SNTG1: variants seen among roughly 807,000 people sequenced by gnomAD.
SNTG1 encodes gamma-1-syntrophin.
A neutral mutation model predicts 74.7 loss-of-function variants in SNTG1; 39 were observed. That is an observed-to-expected ratio of 0.52 (90% CI 0.40 to 0.68). The LOEUF (loss-of-function observed/expected upper bound fraction) is 0.68. Ranked by LOEUF, SNTG1 falls within the 30% of genes least tolerant of loss-of-function variation. SNTG1 has a pLI of 0.00. For synonymous variants in SNTG1, 254 were observed against 217.1 expected (o/e 1.17, Z -1.49); for missense variants, 685 against 609.5 (o/e 1.12, Z -1.30).
intron 2 of SNTG1, among the ~76,000 whole-genome samples, chr8:50,362,002 G>C (rs2091973058): frequency 6.6e-6 from 1 of 152,186 alleles, no homozygotes; most frequent in African/African-American, 2.4e-5. Context: ...GGCAATGGAT[G>C]AGTCAGTGAG....
chr8:50,780,986 T>C (rs1240195420), intron 18 of SNTG1, among the ~76,000 whole-genome samples: 1 of 152,222 alleles, frequency 6.6e-6, no homozygotes, highest in Non-Finnish European at 1.5e-5. Flanking sequence ...AGGAGCAGGT[T>C]GTTCAGTCTC....
chr8:50,216,771 C>A (rs1185373757), intron 2 of SNTG1, among the ~76,000 whole-genome samples: 1 of 151,912 alleles, frequency 6.6e-6, no homozygotes, highest in African/African-American at 2.4e-5. Context: ...AGGAAAGTTG[C>A]TAAAATTTTA....
chr8:50,706,534 G>A (rs1415775960), intron 16 of SNTG1, among the ~76,000 whole-genome samples: 1 of 152,080 alleles, frequency 6.6e-6, no homozygotes, highest in Non-Finnish European at 1.5e-5. Context: ...ATTAGATAGA[G>A]ATAAAATCTT....
At chr8:50,115,333 G>A (rs1048829069) in intron 1 of SNTG1, among the ~76,000 whole-genome samples, 4 of 151,810 alleles carry the variant, frequency 2.6e-5, no homozygotes, top group East Asian at 2.0e-4. Context: ...TTGGGAGGCC[G>A]AGGTGGGTGG....
intron 2 of SNTG1, among the ~76,000 whole-genome samples, chr8:50,308,935 T>A (rs2090002252): frequency 6.6e-6 from 1 of 152,096 alleles, no homozygotes; most frequent in African/African-American, 2.4e-5. Flanking sequence ...TAAACTAGAT[T>A]TTTGTGTGTT....
At chr8:50,523,722 A>T (rs1413659289) in intron 9 of SNTG1, among the ~76,000 whole-genome samples, 1 of 152,204 alleles carries the variant, frequency 6.6e-6, no homozygotes, top group Non-Finnish European at 1.5e-5. Flanking sequence ...ATAATGAAAA[A>T]GTTGAAATAC....
At chr8:49,949,329 A>T (rs1023824962) in intron 1 of SNTG1, among the ~76,000 whole-genome samples, 11 of 152,244 alleles carry the variant, frequency 7.2e-5, no homozygotes, top group African/African-American at 2.7e-4. Flanking sequence ...TTAAAAAAAT[A>T]ATTTACAGCT....
intron 1 of SNTG1, among the ~76,000 whole-genome samples, chr8:50,029,188 T>G (rs1014653341): frequency 2.6e-5 from 4 of 152,318 alleles, no homozygotes; most frequent in Middle Eastern, 3.4e-3. Flanking sequence ...ACATTTGTTT[T>G]ATATTTTTAA....
chr8:50,745,957 T>C (rs1314600202), intron 17 of SNTG1, among the ~76,000 whole-genome samples: 3 of 151,920 alleles, frequency 2.0e-5, no homozygotes, highest in Non-Finnish European at 4.4e-5. Context: ...GTGGTAATGA[T>C]TACACAACAT....
intron 18 of SNTG1, among the ~76,000 whole-genome samples, chr8:50,761,514 G>C (rs1392049355): frequency 2.0e-5 from 3 of 151,856 alleles, no homozygotes; most frequent in African/African-American, 4.8e-5. Flanking sequence ...AGGTGAGTTA[G>C]GCTCTGATAA....
At chr8:50,705,165 A>C (rs2095439225) in intron 16 of SNTG1, among the ~76,000 whole-genome samples, 1 of 152,116 alleles carries the variant, frequency 6.6e-6, no homozygotes, top group Admixed American at 6.6e-5. Flanking sequence ...TCAAAGCCAC[A>C]CAGAGTTTTT....
intron 1 of SNTG1, among the ~76,000 whole-genome samples, chr8:50,054,989 C>T (rs1314401254): frequency 2.6e-5 from 4 of 152,100 alleles, no homozygotes; most frequent in African/African-American, 9.7e-5. Flanking sequence ...ACTAGGCCTT[C>T]AATTTTTTTT....
At chr8:50,598,996 T>A (rs1370141419) in intron 13 of SNTG1, among the ~76,000 whole-genome samples, 1 of 151,990 alleles carries the variant, frequency 6.6e-6, no homozygotes, top group Non-Finnish European at 1.5e-5. Flanking sequence ...CTATGGTAGG[T>A]GTGTATATTT....
chr8:50,098,409 C>T (rs571830962), intron 1 of SNTG1, among the ~76,000 whole-genome samples: 16 of 152,202 alleles, frequency 1.1e-4, no homozygotes, highest in African/African-American at 3.9e-4. Flanking sequence ...TGACTTTTTC[C>T]TTGTCATTAT....
rs527981350 is a variant in SNTG1, at chr8:50,408,962, C to T, written c.162+6618C>T. Reference sequence around the variant, plus strand: ...GGAAACAGGTAATACAGGGTCAGCGCCAGAAAACCACAGGCTGATGAACCT... The same window carrying T: ...GGAAACAGGTAATACAGGGTCAGCGTCAGAAAACCACAGGCTGATGAACCT... On this transcript the variant is annotated intron_variant, in intron 4 of 18. Transcript: ENST00000642720. Among the ~76,000 whole-genome samples the T allele has an allele frequency of 2.6e-5, 4 of 152,214 alleles. No homozygotes were observed. The East Asian group carries it at 7.7e-4, about 29-fold the overall frequency.
chr8:50,621,781 G>A (rs1411310552), intron 13 of SNTG1, among the ~76,000 whole-genome samples: 1 of 152,112 alleles, frequency 6.6e-6, no homozygotes, highest in African/African-American at 2.4e-5. Context: ...ATGAAATTTA[G>A]CATCATGATA....
At chr8:50,687,631 T>C (rs906273598) in intron 15 of SNTG1, among the ~76,000 whole-genome samples, 2 of 152,242 alleles carry the variant, frequency 1.3e-5, no homozygotes, top group African/African-American at 4.8e-5. Flanking sequence ...GCACGTTTGT[T>C]ACATATGTAT....
chr8:49,954,753 C>T (rs200521046), intron 1 of SNTG1, among the ~76,000 whole-genome samples: 143 of 151,986 alleles, frequency 9.4e-4, no homozygotes, highest in Non-Finnish European at 1.8e-3. Flanking sequence ...TTTCCTATTT[C>T]TTTTTTAAAG....
intron 1 of SNTG1, among the ~76,000 whole-genome samples, chr8:49,942,773 C>T (rs1019468226): frequency 7.9e-5 from 12 of 152,144 alleles, no homozygotes; most frequent in Admixed American, 7.9e-4. Context: ...AGGTAAATTG[C>T]CATTTCATTG....
Sources: allele counts gnomAD v4.1 joint callset (sites outside exome capture counted in the v4.1 genomes callset), GRCh38; gene constraint gnomAD v4.1.1; transcripts MANE v1.5; gene names NCBI Gene and HGNC (gene_info 2026-07-23, HGNC 2026-07-21).